Variants in CLMP observed in about 807,000 individuals in gnomAD.
CLMP encodes the protein CXADR like cell adhesion molecule.
In CLMP, 27 loss-of-function variants were observed where a neutral mutation model predicts 45.2. The ratio of observed to expected loss-of-function variants is 0.60; its 90% CI spans 0.44 to 0.82. The LOEUF (loss-of-function observed/expected upper bound fraction) is 0.82. Among genes scored for constraint, CLMP ranks in the 40% least tolerant of loss-of-function variants. The probability of loss-of-function intolerance (pLI) is 0.00; values close to 1 mark genes in which losing one functional copy is unlikely to be tolerated. For synonymous variants in CLMP, 167 were observed against 171.4 expected (o/e 0.97, Z 0.20); for missense variants, 403 against 448.4 (o/e 0.90, Z 0.91).
At position 123,137,289 on chromosome 11, in the gene CLMP, G is replaced by A. The variant is rs566931905; in HGVS notation, c.29-39337C>T. Among the ~76,000 whole-genome samples, 19 of 151,384 alleles carry A rather than the reference G, an allele frequency of 1.3e-4. No homozygotes were observed. The East Asian group carries it at 3.7e-3, about 29-fold the overall frequency. On this transcript the variant is annotated intron_variant, in intron 1 of 6. Coordinates refer to ENST00000448775, the MANE Select transcript of CLMP (RefSeq NM_024769.5). ...CTGCCTCAGCCTCCCGAGTAGCTGG[G>A]ACTACAGGCACCCGCCACCACGCCC...
At chr11:123,085,708 G>C (rs1865857532) in intron 2 of CLMP, among the ~76,000 whole-genome samples, 1 of 149,690 alleles carries the variant, frequency 6.7e-6, no homozygotes, top group African/African-American at 2.5e-5. Flanking sequence ...GCACACATGA[G>C]ATAAATGCAT....
intron 1 of CLMP, among the ~76,000 whole-genome samples, chr11:123,127,633 A>C (rs780345330): frequency 2.6e-5 from 4 of 152,236 alleles, no homozygotes; most frequent in Non-Finnish European, 4.4e-5. Context: ...TCCAATCCCA[A>C]CAACCCAGAT....
Position 123,073,103 on chromosome 11 carries a change from C to T in CLMP, c.*371G>A. 5.7e-6 allele frequency: 1 copy of T among 176,200 alleles called. No homozygotes were observed. Among genetic ancestry groups the T allele is most frequent in the Non-Finnish European group, 1.2e-5 (1 of 83,178 alleles). 10.9% of individuals were successfully genotyped at this position (176,200 alleles called of 1,614,324 possible). A position where few individuals can be genotyped will look rare whatever the true frequency, so the allele number is the denominator to read the frequency against. ...AAATTTACAAACAGCATCCCATTTCCTCTTGAAAATTGTGAATCAAAGCAC... is the reference window on the plus strand; with the variant it reads ...AAATTTACAAACAGCATCCCATTTCTTCTTGAAAATTGTGAATCAAAGCAC... On this transcript the variant is annotated 3_prime_UTR_variant, in exon 7 of 7. Transcript: ENST00000448775.
intron 1 of CLMP, among the ~76,000 whole-genome samples, chr11:123,107,320 T>C: frequency 6.6e-6 from 1 of 151,884 alleles, no homozygotes. Context: ...AACCTCGGCC[T>C]CCTGGGTTCA....
At chr11:123,157,550 T>C (rs989195424) in intron 1 of CLMP, among the ~76,000 whole-genome samples, 6 of 151,562 alleles carry the variant, frequency 4.0e-5, no homozygotes, top group African/African-American at 1.5e-4. Context: ...CGAAACCCTG[T>C]CTCAACAAAA....
chr11:123,130,076 C>T (rs1230294596), intron 1 of CLMP, among the ~76,000 whole-genome samples: 2 of 152,000 alleles, frequency 1.3e-5, no homozygotes, highest in East Asian at 1.9e-4. Flanking sequence ...CATGTTAAAG[C>T]AGAATTGAGT....
At chr11:123,162,867 C>G (rs1002877742) in intron 1 of CLMP, among the ~76,000 whole-genome samples, 9 of 151,054 alleles carry the variant, frequency 6.0e-5, no homozygotes, top group Non-Finnish European at 1.3e-4. Flanking sequence ...ACGGCACCAC[C>G]GCACTCCAGC....
chr11:123,079,696 C>T (rs562986577), intron 5 of CLMP, among the ~76,000 whole-genome samples: 11 of 152,224 alleles, frequency 7.2e-5, no homozygotes, highest in African/African-American at 1.4e-4. Flanking sequence ...CCGCCCGCCT[C>T]GACCTCCCAA....
chr11:123,147,665 T>A (rs1160027539), intron 1 of CLMP, among the ~76,000 whole-genome samples: 1 of 152,160 alleles, frequency 6.6e-6, no homozygotes, highest in African/African-American at 2.4e-5. Context: ...CCCACTAGAA[T>A]GTCAGTGCCT....
At chr11:123,115,958 C>T (rs779568811) in intron 1 of CLMP, among the ~76,000 whole-genome samples, 1 of 152,034 alleles carries the variant, frequency 6.6e-6, no homozygotes, top group Non-Finnish European at 1.5e-5. Context: ...GTTGTAGTCT[C>T]ATCTGAAGGC....
intron 1 of CLMP, among the ~76,000 whole-genome samples, chr11:123,168,216 T>A (rs141017011): frequency 1.7e-3 from 206 of 120,254 alleles, no homozygotes; most frequent in African/African-American, 6.4e-3. Context: ...AAGTGGTACC[T>A]ATGCTTTTTC....
chr11:123,095,620 T>C (rs1269266988), intron 2 of CLMP, among the ~76,000 whole-genome samples: 1 of 152,154 alleles, frequency 6.6e-6, no homozygotes, highest in Non-Finnish European at 1.5e-5. Context: ...GCCATGGTAA[T>C]AGGTATGAAG....
chr11:123,126,756 G>A (rs1002205880), intron 1 of CLMP, among the ~76,000 whole-genome samples: 2 of 152,002 alleles, frequency 1.3e-5, no homozygotes, highest in Admixed American at 1.3e-4. Flanking sequence ...AATTAGCCAG[G>A]CGTGGTGGTG....
chr11:123,118,947 TTCTTTCTTTCTTTC>T (rs1860757478), intron 1 of CLMP, among the ~76,000 whole-genome samples: 1 of 22,314 alleles, frequency 4.5e-5, no homozygotes, highest in Admixed American at 6.2e-4. Context: ...CTTTCTTTCT[TTCTTTCTTTCTTTC>T]TTTCTTTCTT....
chr11:123,110,684 G>A (rs1173465376), intron 1 of CLMP, among the ~76,000 whole-genome samples: 2 of 152,094 alleles, frequency 1.3e-5, no homozygotes, highest in Non-Finnish European at 2.9e-5. Context: ...CAGTCAAGGG[G>A]GGCCGGATAT....
chr11:123,144,909 C>A (rs550390903), intron 1 of CLMP, among the ~76,000 whole-genome samples: 10 of 152,204 alleles, frequency 6.6e-5, no homozygotes, highest in African/African-American at 2.4e-4. Context: ...TTCCTGCTGT[C>A]CCGGTTTTTC....
At chr11:123,113,458 T>TACC (rs1472065756) in intron 1 of CLMP, among the ~76,000 whole-genome samples, 2 of 152,192 alleles carry the variant, frequency 1.3e-5, no homozygotes, top group Non-Finnish European at 2.9e-5. Context: ...GATGGCTTCA[T>TACC]AGTAAAAGAA....
chr11:123,164,305 TTTTTA>T (rs1403893217), intron 1 of CLMP, among the ~76,000 whole-genome samples: 3 of 152,180 alleles, frequency 2.0e-5, no homozygotes, highest in African/African-American at 7.2e-5. Context: ...GTTATTTTTA[TTTTTA>T]TTTTATTTCC....
chr11:123,134,152 C>T (rs759673563), intron 1 of CLMP, among the ~76,000 whole-genome samples: 3 of 151,034 alleles, frequency 2.0e-5, no homozygotes, highest in South Asian at 2.1e-4. Flanking sequence ...CCCAGCTACT[C>T]GGGAGGCTGA....
Sources: gnomAD v4.1 joint callset for allele counts (sites outside exome capture counted in the v4.1 genomes callset) on GRCh38, gnomAD v4.1.1 for gene constraint, MANE v1.5 for transcripts, NCBI Gene and HGNC (gene_info 2026-07-23, HGNC 2026-07-21) for gene names.